The following RNASE2 variants were observed in gnomAD, a reference collection of about 807,000 sequenced individuals.
RNASE2 encodes ribonuclease A family member 2.
For missense variants in RNASE2, 170 were observed against 197.9 expected (o/e 0.86, Z 0.85); for synonymous variants, 67 against 68.9 (o/e 0.97, Z 0.13).
In RNASE2 at chr14:20,955,800, T is replaced by C. The variant is rs146845555; in HGVS notation, c.29T>C (p.Ile10Thr). The C allele has an allele frequency of 3.4e-5, 54 of 1,611,838 alleles. No individual in the cohort carries two copies. In the African/African-American group the frequency reaches 6.4e-4, roughly 19 times the overall value. Reference protein sequence around the residue: MVPKLFTSQICLLLLLGLLA... With the variant: MVPKLFTSQTCLLLLLGLLA... ...GTTCCAAAACTGTTCACTTCCCAAA[T>C]TTGTCTGCTTCTTCTGTTGGGGCTT... is the stretch of plus-strand genomic sequence containing the variant. The change falls in exon 2 of 2, where the codon ATT becomes ACT. Residue 10 changes from isoleucine (I) to threonine (T), a missense_variant. Physicochemically the swap from Ile to Thr is moderately conservative, Grantham distance 89. Coordinates refer to ENST00000304625, the MANE Select transcript of RNASE2 (RefSeq NM_002934.3).
Position 20,955,785 on chromosome 14 carries a change from T to A in RNASE2, c.14T>A (p.Leu5Gln). 1 of 1,610,748 alleles carries A rather than the reference T, an allele frequency of 6.2e-7. No individual in the cohort carries two copies. The highest frequency in any genetic ancestry group is 8.5e-7 in the Non-Finnish European group (1 of 1,178,558). MVPK[L>Q]FTSQICLLLL... ...CTTACAGGAAACATGGTTCCAAAAC[T>A]GTTCACTTCCCAAATTTGTCTGCTT... Residue 5 changes from leucine (L) to glutamine (Q), a missense_variant, in exon 2 of 2, where the codon CTG becomes CAG. Leu to Gln is a moderately radical substitution (Grantham distance 113). Transcript: ENST00000304625.
Position 20,956,002 on chromosome 14 carries a change from C to A in RNASE2, c.231C>A (p.Asn77Lys). 1.9e-6 allele frequency: 3 copies of A among 1,614,162 alleles called. No homozygotes were observed. The highest frequency in any genetic ancestry group is 2.2e-5 in the East Asian group (1 of 44,892). The change falls in exon 2 of 2, where the codon AAC becomes AAA. Residue 77 changes from asparagine to lysine, a missense_variant. Transcript: ENST00000304625. ...CTTTCCTTCTTACAACTTTTGCTAA[C>A]GTAGTTAATGTTTGTGGTAACCCAA... ...QNTFLLTTFA[N>K]VVNVCGNPNM...
chr14:20,956,397 G>GGGGTATGGAGACTGA lies in RNASE2; in HGVS notation c.*140_*141insGGGTATGGAGACTGA. 1 of 1,287,984 alleles carries GGGGTATGGAGACTGA rather than the reference G, an allele frequency of 7.8e-7. No individual in the cohort carries two copies. Among genetic ancestry groups the GGGGTATGGAGACTGA allele is most frequent in the Non-Finnish European group, 1.1e-6 (1 of 925,778 alleles). 79.8% of individuals were successfully genotyped at this position (1,287,984 alleles called of 1,614,324 possible). On this transcript the variant is annotated 3_prime_UTR_variant, in exon 2 of 2. Transcript: ENST00000304625. ...ACCCCTTCAGCTTTCCTGAGCTGAA[G>GGGGTATGGAGACTGA]TGCCTTGTGAACCCTGCAATAAACT...
At position 20,956,380 on chromosome 14, in the gene RNASE2, A is replaced by C; in HGVS notation, c.*123A>C. The C allele has an allele frequency of 7.3e-7, 1 of 1,377,622 alleles. No individual in the cohort carries two copies. The highest frequency in any genetic ancestry group is 9.9e-7 in the Non-Finnish European group (1 of 1,006,882). The allele number at this position is 1,377,622 out of a possible 1,614,324, so 85.3% of individuals were successfully genotyped here. A position where few individuals can be genotyped will look rare whatever the true frequency, so the allele number is the denominator to read the frequency against. ...TCCTCATCAGTCTCCATACCCCTTCAGCTTTCCTGAGCTGAAGTGCCTTGT... is the reference window on the plus strand; with the variant it reads ...TCCTCATCAGTCTCCATACCCCTTCCGCTTTCCTGAGCTGAAGTGCCTTGT... On this transcript the variant is annotated 3_prime_UTR_variant, in exon 2 of 2. Coordinates refer to ENST00000304625, the MANE Select transcript of RNASE2 (RefSeq NM_002934.3).
chr14:20,956,172 A>G lies in RNASE2; in HGVS notation c.401A>G (p.Tyr134Cys), dbSNP rs536680369. 3.7e-6 allele frequency: 6 copies of G among 1,614,188 alleles called. No individual in the cohort carries two copies. The East Asian group carries it at 8.9e-5, about 24-fold the overall frequency. ...GCGCAGACACCAGCAAACATGTTCT[A>G]TATAGTTGCATGTGACAACAGAGAT... ...RYAQTPANMF[Y>C]IVACDNRDQR... The change falls in exon 2 of 2, where the codon TAT becomes TGT. Residue 134 changes from tyrosine to cysteine, a missense_variant. Transcript: ENST00000304625.
chr14:20,955,735 A>G, intron 1 of RNASE2, 32 bp from the exon 2 acceptor site: 1 of 1,573,428 alleles, frequency 6.4e-7, no homozygotes. Context: ...AGACCCGATC[A>G]GGGAGTAGTT....
chr14:20,955,697 T>C, intron 1 of RNASE2, 70 bp from the exon 2 acceptor site: 1 of 1,525,960 alleles, frequency 6.6e-7, no homozygotes, highest in Non-Finnish European at 8.8e-7. Flanking sequence ...GCCTGTGGGG[T>C]AAGACACTAC....
At position 20,955,908 on chromosome 14, in the gene RNASE2, C is replaced by T; in HGVS notation, c.137C>T (p.Thr46Ile). 1 of 1,614,176 alleles carries T rather than the reference C, an allele frequency of 6.2e-7. No individual in the cohort carries two copies. The highest frequency in any genetic ancestry group is 8.5e-7 in the Non-Finnish European group (1 of 1,180,042). ...QWFETQHINM[T>I]SQQCTNAMQV... ...TTTGAAACCCAGCACATCAATATGA[C>T]CTCCCAGCAATGCACCAATGCAATG... Residue 46 changes from threonine (T) to isoleucine (I), a missense_variant, in exon 2 of 2, where the codon ACC (threonine) becomes ATC (isoleucine). Transcript: ENST00000304625.
chr14:20,956,154 C>T lies in RNASE2; in HGVS notation c.383C>T (p.Thr128Ile). ...ATTTCAAACTGCAGGTATGCGCAGACACCAGCAAACATGTTCTATATAGTT... is the reference window on the plus strand; with the variant it reads ...ATTTCAAACTGCAGGTATGCGCAGATACCAGCAAACATGTTCTATATAGTT... ...QNISNCRYAQ[T>I]PANMFYIVAC... The change falls in exon 2 of 2, where the codon ACA (threonine) becomes ATA (isoleucine). Residue 128 changes from threonine (T) to isoleucine (I), a missense_variant. Physicochemically the swap from Thr to Ile is moderately conservative, Grantham distance 89. Coordinates refer to ENST00000304625, the MANE Select transcript of RNASE2 (RefSeq NM_002934.3). The T allele has an allele frequency of 6.2e-7, 1 of 1,614,178 alleles. No individual in the cohort carries two copies. The highest frequency in any genetic ancestry group is 8.5e-7 in the Non-Finnish European group (1 of 1,180,018).
At chr14:20,955,721 A>T (rs2138707236) in intron 1 of RNASE2, 46 bp from the exon 2 acceptor site, 1 of 1,562,112 alleles carries the variant, frequency 6.4e-7, no homozygotes, top group Non-Finnish European at 8.6e-7. Flanking sequence ...GTGTGTCATA[A>T]CCAAGACCCG....
intron 1 of RNASE2, 59 bp from the exon 2 acceptor site, chr14:20,955,708 A>C: frequency 6.5e-7 from 1 of 1,538,916 alleles, no homozygotes; most frequent in South Asian, 1.3e-5. Flanking sequence ...AAGACACTAC[A>C]GTGTGTGTCA....
chr14:20,956,087 C>G lies in RNASE2; in HGVS notation c.316C>G (p.Pro106Ala), dbSNP rs779540525. Residue 106 changes from proline (P) to alanine (A), a missense_variant, in exon 2 of 2, where the codon CCT becomes GCT. Physicochemically the swap from Pro to Ala is conservative, Grantham distance 27. Coordinates refer to ENST00000304625, the MANE Select transcript of RNASE2 (RefSeq NM_002934.3). ...KNCHHSGSQV[P>A]LIHCNLTTPS... ...TTGTCACCACAGTGGAAGCCAGGTG[C>G]CTTTAATCCACTGTAACCTCACAAC... 2.5e-6 allele frequency: 4 copies of G among 1,614,068 alleles called. No individual in the cohort carries two copies. The highest frequency in any genetic ancestry group is 1.7e-5 in the Admixed American group (1 of 60,004).
chr14:20,955,590 C>T (rs1879182757), intron 1 of RNASE2, 54 bp downstream of exon 1: 1 of 785,268 alleles, frequency 1.3e-6, no homozygotes, highest in Non-Finnish European at 2.0e-6. Context: ...GGGGCAGCAA[C>T]TGAGGGAGAA....
intron 1 of RNASE2, 111 bp downstream of exon 1, chr14:20,955,647 G>A (rs1287208975): frequency 1.5e-6 from 2 of 1,305,704 alleles, no homozygotes; most frequent in East Asian, 2.3e-5. Context: ...TTTGCAGACA[G>A]GAAGTAAAGG....
At position 20,955,759 on chromosome 14, in the gene RNASE2, T is replaced by C. The variant is rs745698440; in HGVS notation, c.-5-8T>C. On this transcript the variant is annotated splice_polypyrimidine_tract_variant and splice_region_variant and intron_variant, in intron 1 of 1. Transcript: ENST00000304625. ...CAGGGAGTAGTTACTTCTCTTCTTT[T>C]CTTACAGGAAACATGGTTCCAAAAC... 1.5e-5 allele frequency: 24 copies of C among 1,596,010 alleles called. No individual in the cohort carries two copies. The highest frequency in any genetic ancestry group is 8.5e-7 in the Non-Finnish European group (1 of 1,172,110).
chr14:20,955,562 G>T (rs1879182135), intron 1 of RNASE2, 26 bp downstream of exon 1: 2 of 630,362 alleles, frequency 3.2e-6, no homozygotes, highest in Non-Finnish European at 5.4e-6. Context: ...CCAGAGCTGG[G>T]ACAGAAGGGG....
At chr14:20,955,632 C>G (rs1288391186) in intron 1 of RNASE2, 96 bp downstream of exon 1, 1 of 1,166,498 alleles carries the variant, frequency 8.6e-7, no homozygotes, top group East Asian at 2.4e-5. Flanking sequence ...GGAGACGTTG[C>G]ACACTTTGCA....
Position 20,956,360 on chromosome 14 carries a change from A to T in RNASE2, c.*103A>T. On this transcript the variant is annotated 3_prime_UTR_variant, in exon 2 of 2. Transcript: ENST00000304625. ...ACTTTGGGTATCAGCATCTGTCCTCATCAGTCTCCATACCCCTTCAGCTTT... is the reference window on the plus strand; with the variant it reads ...ACTTTGGGTATCAGCATCTGTCCTCTTCAGTCTCCATACCCCTTCAGCTTT... The T allele has an allele frequency of 6.7e-7, 1 of 1,499,068 alleles. No individual in the cohort carries two copies. Among genetic ancestry groups the T allele is most frequent in the Non-Finnish European group, 9.0e-7 (1 of 1,105,686 alleles). 92.9% of individuals were successfully genotyped at this position (1,499,068 alleles called of 1,614,324 possible). A position where few individuals can be genotyped will look rare whatever the true frequency, so the allele number is the denominator to read the frequency against.
In RNASE2 at chr14:20,955,803, G is replaced by T; in HGVS notation, c.32G>T (p.Cys11Phe). Residue 11 changes from cysteine (C) to phenylalanine (F), a missense_variant, in exon 2 of 2, where the codon TGT (cysteine) becomes TTT (phenylalanine). By Grantham distance (205) the Cys-to-Phe change is radical. Coordinates refer to ENST00000304625, the MANE Select transcript of RNASE2 (RefSeq NM_002934.3). ...CCAAAACTGTTCACTTCCCAAATTT[G>T]TCTGCTTCTTCTGTTGGGGCTTCTG... MVPKLFTSQI[C>F]LLLLLGLLAV... 1 of 1,611,814 alleles carries T rather than the reference G, an allele frequency of 6.2e-7. No individual in the cohort carries two copies. Among genetic ancestry groups the T allele is most frequent in the African/African-American group, 1.3e-5 (1 of 74,842 alleles).
Sources: gnomAD v4.1 joint callset for allele counts on GRCh38, gnomAD v4.1.1 for gene constraint, MANE v1.5 for transcripts, NCBI Gene and HGNC (gene_info 2026-07-23, HGNC 2026-07-21) for gene names.